ITPR1: variants seen among roughly 807,000 people sequenced by gnomAD.
ITPR1 encodes inositol 1,4,5-trisphosphate receptor type 1, also known as inositol 1,4,5-trisphosphate-gated calcium channel ITPR1.
A neutral mutation model predicts 318.4 loss-of-function variants in ITPR1; 96 were observed. The observed-to-expected ratio is 0.30, with a 90% CI of 0.26 to 0.36. ITPR1 has a LOEUF of 0.36. Ranked by LOEUF, ITPR1 falls within the 10% of genes least tolerant of loss-of-function variation. The pLI is 1.00. For missense variants in ITPR1, 2,440 were observed against 3,460.2 expected, an observed-to-expected ratio of 0.71 and a Z score of 7.40; for synonymous variants, 1,312 against 1,289.9, an observed-to-expected ratio of 1.02 and a Z score of -0.37.
chr3:4,552,455 T>C (rs764538626), intron 4 of ITPR1, among the ~76,000 whole-genome samples: 2 of 152,174 alleles, frequency 1.3e-5, no homozygotes, highest in Non-Finnish European at 2.9e-5. Flanking sequence ...CCATTTATTA[T>C]AAAGGATATT....
rs2051842970 is a variant in ITPR1, at chr3:4,847,148, GAACC to G, written c.*927_*930del. On this transcript the variant is annotated 3_prime_UTR_variant, in exon 62 of 62. Transcript: ENST00000649015. ...AATAGAGTTTATTTTTTCTTCATCT[GAACC>G]AACATGCTACAGTAGCTAAGAAGTA... The G allele has an allele frequency of 6.6e-6, 1 of 152,620 alleles. No homozygotes were observed. Among genetic ancestry groups the G allele is most frequent in the East Asian group, 1.9e-4 (1 of 5,184 alleles). 9.5% of individuals were successfully genotyped at this position (152,620 alleles called of 1,614,324 possible).
intron 4 of ITPR1, among the ~76,000 whole-genome samples, chr3:4,626,661 A>G (rs992898060): frequency 2.0e-5 from 3 of 152,196 alleles, no homozygotes; most frequent in Admixed American, 1.3e-4. Context: ...GAGGCATGCT[A>G]AATGGAAGCA....
intron 35 of ITPR1, among the ~76,000 whole-genome samples, chr3:4,700,666 C>T (rs556326692): frequency 4.5e-4 from 68 of 152,262 alleles, no homozygotes; most frequent in African/African-American, 1.3e-3. Context: ...GGTGAGCCAT[C>T]GTGTCCTTTT....
chr3:4,546,960 C>G (rs1194297062), intron 4 of ITPR1, among the ~76,000 whole-genome samples: 1 of 152,018 alleles, frequency 6.6e-6, no homozygotes, highest in Non-Finnish European at 1.5e-5. Flanking sequence ...GACTTGAGTC[C>G]CAGTCTTTGG....
chr3:4,592,584 A>G (rs1007358924), intron 4 of ITPR1, among the ~76,000 whole-genome samples: 1 of 151,952 alleles, frequency 6.6e-6, no homozygotes, highest in East Asian at 1.9e-4. Flanking sequence ...TCATGTCTCC[A>G]GGGGCTGGAC....
chr3:4,614,650 C>G lies in ITPR1; in HGVS notation c.164-13113C>G, dbSNP rs577211269. On this transcript the variant is annotated intron_variant, in intron 4 of 61. Coordinates refer to ENST00000649015, the MANE Select transcript of ITPR1 (RefSeq NM_001378452.1). ...GATGAACACTTTAGTGCTTCCAGGT[C>G]TAGATTTTCTGCTAGACGCATGACA... 1.1e-4 allele frequency among the ~76,000 whole-genome samples: 17 copies of G among 152,268 alleles called. No individual in the cohort carries two copies. The East Asian group carries it at 3.3e-3, about 29-fold the overall frequency.
chr3:4,648,797 GAGACC>G (rs2093526217), intron 10 of ITPR1, among the ~76,000 whole-genome samples: 1 of 152,214 alleles, frequency 6.6e-6, no homozygotes, highest in African/African-American at 2.4e-5. Context: ...GTGACAGAGC[GAGACC>G]CTGTCTCCGA....
intron 4 of ITPR1, 44 bp downstream of exon 4, chr3:4,521,138 A>G (rs759789772): frequency 7.4e-7 from 1 of 1,348,414 alleles, no homozygotes; most frequent in African/African-American, 1.4e-5. Flanking sequence ...GACTCACTTG[A>G]AAATTCTTGA....
rs138364157 is a variant in ITPR1 at position 4,822,731 on chromosome 3, A to G, written c.8028+4489A>G. Among the ~76,000 whole-genome samples the G allele has an allele frequency of 2.3e-3, 353 of 152,272 alleles. 4 individuals are homozygous for G. The highest frequency in any genetic ancestry group is 7.8e-3 in the African/African-American group (324 of 41,546). ...GAAGGCGATGCTGTCGAGTACTCAA[A>G]TGACCAGGGGAAGTGAGCCCTCCTC... On this transcript the variant is annotated intron_variant, in intron 60 of 61. Coordinates refer to ENST00000649015, the MANE Select transcript of ITPR1 (RefSeq NM_001378452.1).
chr3:4,571,428 C>G (rs2087973808), intron 4 of ITPR1, among the ~76,000 whole-genome samples: 1 of 151,994 alleles, frequency 6.6e-6, no homozygotes, highest in Non-Finnish European at 1.5e-5. Context: ...GTAGCCTTGA[C>G]CTCTGGGGCT....
At chr3:4,516,084 T>C (rs2082150607) in intron 2 of ITPR1, among the ~76,000 whole-genome samples, 1 of 152,206 alleles carries the variant, frequency 6.6e-6, no homozygotes, top group Non-Finnish European at 1.5e-5. Context: ...CTGAAGCAAA[T>C]TGAATATGTT....
intron 45 of ITPR1, 69 bp from the exon 46 acceptor site, chr3:4,768,442 C>T: frequency 2.0e-6 from 3 of 1,488,656 alleles, no homozygotes. Context: ...TTCTGAGTGT[C>T]ACCTTTGGAG....
intron 32 of ITPR1, among the ~76,000 whole-genome samples, chr3:4,692,310 G>A (rs2094493210): frequency 6.6e-6 from 1 of 152,172 alleles, no homozygotes; most frequent in African/African-American, 2.4e-5. Context: ...GAGTTGATAT[G>A]TGGGGTAAAT....
At chr3:4,610,226 C>G (rs2091988693) in intron 4 of ITPR1, among the ~76,000 whole-genome samples, 1 of 152,142 alleles carries the variant, frequency 6.6e-6, no homozygotes, top group African/African-American at 2.4e-5. Context: ...CCATCTCTAC[C>G]TGGGCTGGGT....
intron 33 of ITPR1, among the ~76,000 whole-genome samples, chr3:4,694,306 T>A (rs1179863490): frequency 7.3e-6 from 1 of 136,062 alleles, no homozygotes; most frequent in East Asian, 1.9e-4. Context: ...TTATGATATA[T>A]AAAGTATATT....
rs145344983 is a variant in ITPR1 at position 4,612,723 on chromosome 3, C to A, written c.164-15040C>A. ...CCAACGTGGCGAACCCCCGTCTCTA[C>A]TAAAAATACAAAAATTAGCCAGGTG... is the stretch of plus-strand genomic sequence containing the variant. On this transcript the variant is annotated intron_variant, in intron 4 of 61. Coordinates refer to ENST00000649015, the MANE Select transcript of ITPR1 (RefSeq NM_001378452.1). Among the ~76,000 whole-genome samples the A allele has an allele frequency of 3.0e-3, 455 of 152,162 alleles. 18 individuals carry two copies. The East Asian group carries it at 0.072, about 24-fold the overall frequency.
At chr3:4,670,986 T>C (rs1383220149) in intron 20 of ITPR1, 60 bp downstream of exon 20, 2 of 1,249,466 alleles carry the variant, frequency 1.6e-6, no homozygotes, top group Non-Finnish European at 2.1e-6. Flanking sequence ...CACTTAGGAA[T>C]TTGTTGCTCG....
chr3:4,645,518 G>A (rs769463505), intron 9 of ITPR1, 48 bp downstream of exon 9: 6 of 1,606,128 alleles, frequency 3.7e-6, no homozygotes, highest in Non-Finnish European at 4.3e-6. Flanking sequence ...TCTTCTTGGG[G>A]GCAGCAGTCT....
chr3:4,553,547 C>A (rs905738361), intron 4 of ITPR1, among the ~76,000 whole-genome samples: 5 of 151,868 alleles, frequency 3.3e-5, no homozygotes, highest in African/African-American at 7.3e-5. Context: ...CCTCCCACCT[C>A]AGCCTCCTGA....
Sources: gnomAD v4.1 joint callset for allele counts (sites outside exome capture counted in the v4.1 genomes callset) on GRCh38, gnomAD v4.1.1 for gene constraint, MANE v1.5 for transcripts, NCBI Gene and HGNC (gene_info 2026-07-23, HGNC 2026-07-21) for gene names.